The following CHFR variants were observed in gnomAD, a reference collection of about 807,000 sequenced individuals.
CHFR encodes checkpoint with forkhead and ring finger domains, also known as E3 ubiquitin-protein ligase CHFR.
CHFR carries 57 observed loss-of-function variants against 87.6 expected under a neutral mutation model. That is an observed-to-expected ratio of 0.65 (90% CI 0.53 to 0.81). CHFR has a LOEUF of 0.81. Ranked by LOEUF, CHFR falls within the 30% of genes least tolerant of loss-of-function variation. The pLI, the probability that CHFR is intolerant of heterozygous loss-of-function variation, is 0.00. For synonymous variants in CHFR, 381 were observed against 359.2 expected, an observed-to-expected ratio of 1.06 and a Z score of -0.69; for missense variants, 797 against 865.8, an observed-to-expected ratio of 0.92 and a Z score of 1.00.
chr12:132,843,016 G>A lies in CHFR; in HGVS notation c.1911C>T (p.His637=), dbSNP rs146332668. 61 of 1,611,748 alleles carry A rather than the reference G, an allele frequency of 3.8e-5. No individual in the cohort carries two copies. The African/African-American group carries it at 6.1e-4, about 16-fold the overall frequency. ...RNCRTQVKAH[H]AMKFNHICEQ... ...GTGCCCCCAGCTGCACTCACATGGC[G>A]TGGTGAGCTTTCACCTGAGTGCGGC... The change falls in exon 17 of 18, where the codon CAC becomes CAT. Residue 637 remains histidine, a synonymous_variant. Coordinates refer to ENST00000450056, the MANE Select transcript of CHFR (RefSeq NM_001161346.2).
chr12:132,880,280 T>C (rs1172572519), intron 2 of CHFR, among the ~76,000 whole-genome samples: 2 of 152,120 alleles, frequency 1.3e-5, no homozygotes, highest in Admixed American at 6.6e-5. Context: ...CTTAGTGCCG[T>C]TGGGTCTTGC....
intron 8 of CHFR, among the ~76,000 whole-genome samples, chr12:132,858,378 AC>A (rs1224252561): frequency 2.0e-5 from 3 of 151,422 alleles, no homozygotes; most frequent in East Asian, 3.9e-4. Context: ...AAAAACAAAA[AC>A]AAAAAACCAC....
intron 7 of CHFR, 50 bp downstream of exon 7, chr12:132,861,417 G>A: frequency 1.3e-6 from 2 of 1,580,502 alleles, no homozygotes; most frequent in Non-Finnish European, 1.7e-6. Context: ...GCCCCCGCAT[G>A]CCCCAGGAGC....
At chr12:132,845,193 C>T (rs950710212) in intron 15 of CHFR, among the ~76,000 whole-genome samples, 2 of 151,978 alleles carry the variant, frequency 1.3e-5, no homozygotes, top group Non-Finnish European at 2.9e-5. Context: ...CGGTGGCTCG[C>T]GCCTGTAATC....
Position 132,851,736 on chromosome 12 carries a change from T to G in CHFR, c.1374A>C (p.Ala458=), listed in dbSNP as rs757077660. 5.6e-6 allele frequency: 9 copies of G among 1,610,200 alleles called. No individual in the cohort carries two copies. The highest frequency in any genetic ancestry group is 7.6e-6 in the Non-Finnish European group (9 of 1,177,544). ...APSTSVSLTT[A]VQDYVCPLQG... ...GCAGAGGGCACACGTAATCCTGGAC[T>G]GCTGAAGCACACGCACATTCAGCCG... The change falls in exon 12 of 18, where the codon GCA becomes GCC. Residue 458 remains alanine (A), a splice_region_variant and synonymous_variant. Transcript: ENST00000450056.
At position 132,869,597 on chromosome 12, in the gene CHFR, ACCTCAT is replaced by A; in HGVS notation, c.583+16_583+21del. 1 of 1,548,830 alleles carries A rather than the reference ACCTCAT, an allele frequency of 6.5e-7. No individual in the cohort carries two copies. The highest frequency in any genetic ancestry group is 8.7e-7 in the Non-Finnish European group (1 of 1,144,644). On this transcript the variant is annotated intron_variant, in intron 6 of 17. Coordinates refer to ENST00000450056, the MANE Select transcript of CHFR (RefSeq NM_001161346.2). Reference sequence around the variant, plus strand: ...CAAAAACCATGCAACCAGCACCAAGACCTCATGAGATGTGACCTCACCACAACTGGA... The same window carrying A: ...CAAAAACCATGCAACCAGCACCAAGAGAGATGTGACCTCACCACAACTGGA...
chr12:132,865,005 C>A (rs1308553195), intron 6 of CHFR, among the ~76,000 whole-genome samples: 4 of 152,196 alleles, frequency 2.6e-5, no homozygotes, highest in African/African-American at 9.7e-5. Flanking sequence ...GTCTAGTAGC[C>A]ACAAAATGCA....
At chr12:132,862,750 T>C (rs1203928256) in intron 6 of CHFR, among the ~76,000 whole-genome samples, 1 of 150,924 alleles carries the variant, frequency 6.6e-6, no homozygotes, top group Non-Finnish European at 1.5e-5. Flanking sequence ...CAGCTAATTT[T>C]TTTGTATTTT....
chr12:132,886,374 CAAAA>C (rs10616057), intron 2 of CHFR, among the ~76,000 whole-genome samples: 1 of 147,574 alleles, frequency 6.8e-6, no homozygotes, highest in African/African-American at 2.5e-5. Context: ...TGAAATTAAC[CAAAA>C]AAAAAAAAAA....
chr12:132,869,937 G>A (rs575519453), intron 5 of CHFR, 139 bp from the exon 6 acceptor site: 18 of 972,456 alleles, frequency 1.9e-5, no homozygotes, highest in South Asian at 4.7e-5. Flanking sequence ...GGCCAGGCAC[G>A]GTGGTGCAGG....
chr12:132,852,119 G>T (rs914057688), intron 11 of CHFR, among the ~76,000 whole-genome samples: 2 of 151,550 alleles, frequency 1.3e-5, no homozygotes, highest in African/African-American at 4.9e-5. Flanking sequence ...GAGTAGCTGG[G>T]ACTACAGGTG....
At chr12:132,841,732 A>C (rs1039730061) in intron 17 of CHFR, 136 bp from the exon 18 acceptor site, 1 of 759,118 alleles carries the variant, frequency 1.3e-6, no homozygotes, top group Non-Finnish European at 2.4e-6. Flanking sequence ...CCTGAGAAAG[A>C]GTGTGTGTGC....
rs1406770925 is a variant in CHFR, at chr12:132,833,412, T to C, written c.*8142A>G. ...TCTAGTGGGGACCAGACAACAAGCA[T>C]AGAAGGTGACAGAAAGAGTCAAGAA... On this transcript the variant is annotated 3_prime_UTR_variant, in exon 18 of 18. Coordinates refer to ENST00000450056, the MANE Select transcript of CHFR (RefSeq NM_001161346.2). The C allele has an allele frequency of 6.6e-6, 1 of 152,218 alleles. No individual in the cohort carries two copies. The highest frequency in any genetic ancestry group is 1.5e-5 in the Non-Finnish European group (1 of 68,072). 9.4% of individuals were successfully genotyped at this position (152,218 alleles called of 1,614,324 possible).
chr12:132,885,577 A>G (rs577530692), intron 2 of CHFR, among the ~76,000 whole-genome samples: 1 of 152,308 alleles, frequency 6.6e-6, no homozygotes, highest in African/African-American at 2.4e-5. Flanking sequence ...AATCGTTCCT[A>G]TTAAAAGATA....
chr12:132,875,297 A>G (rs1042683629), intron 3 of CHFR, among the ~76,000 whole-genome samples: 3 of 152,198 alleles, frequency 2.0e-5, no homozygotes, highest in African/African-American at 7.2e-5. Flanking sequence ...AGAACAGCAC[A>G]CTCTCAACAT....
chr12:132,846,190 G>T (rs1029979629), intron 15 of CHFR, among the ~76,000 whole-genome samples: 3 of 152,082 alleles, frequency 2.0e-5, no homozygotes, highest in African/African-American at 7.2e-5. Flanking sequence ...AGTAGTGGCA[G>T]TCGGCCACAC....
At position 132,839,004 on chromosome 12, in the gene CHFR, T is replaced by G. The variant is rs1322269082; in HGVS notation, c.*2550A>C. 6.6e-6 allele frequency: 1 copy of G among 152,254 alleles called. No homozygotes were observed. Among genetic ancestry groups the G allele is most frequent in the African/African-American group, 2.4e-5 (1 of 41,398 alleles). The allele number at this position is 152,254 out of a possible 1,614,324, so 9.4% of individuals were successfully genotyped here. A position where few individuals can be genotyped will look rare whatever the true frequency, so the allele number is the denominator to read the frequency against. ...CTCCAGGTAGAAATCCTCTTCACAGTGGGCCAGGAGTTGGACTTCTCTGAA... is the reference window on the plus strand; with the variant it reads ...CTCCAGGTAGAAATCCTCTTCACAGGGGGCCAGGAGTTGGACTTCTCTGAA... On this transcript the variant is annotated 3_prime_UTR_variant, in exon 18 of 18. Coordinates refer to ENST00000450056, the MANE Select transcript of CHFR (RefSeq NM_001161346.2).
intron 10 of CHFR, chr12:132,855,168 G>A (rs1029547928): frequency 6.6e-6 from 1 of 151,328 alleles, no homozygotes; most frequent in East Asian, 1.9e-4. Flanking sequence ...CTTGAACCCA[G>A]GAGATGAATG....
intron 10 of CHFR, among the ~76,000 whole-genome samples, chr12:132,855,250 A>C (rs904482044): frequency 2.2e-4 from 33 of 151,954 alleles, no homozygotes; most frequent in African/African-American, 7.7e-4. Flanking sequence ...TCGAAAAAAA[A>C]AAAAAAAGAA....
Sources: allele counts gnomAD v4.1 joint callset (sites outside exome capture counted in the v4.1 genomes callset), GRCh38; gene constraint gnomAD v4.1.1; transcripts MANE v1.5; gene names NCBI Gene and HGNC (gene_info 2026-07-23, HGNC 2026-07-21).